MED27: variants seen among roughly 807,000 people sequenced by gnomAD.
MED27 encodes the protein mediator complex subunit 27, also known as mediator of RNA polymerase II transcription subunit 27.
A neutral mutation model predicts 38.2 loss-of-function variants in MED27; 30 were observed. The ratio of observed to expected loss-of-function variants is 0.79; its 90% confidence interval spans 0.59 to 1.07. MED27 has a LOEUF of 1.07. MED27 is among the 50% of genes least tolerant of loss of function. The pLI is 0.00. For missense variants in MED27, 289 were observed against 397.5 expected (o/e 0.73, Z 2.32); for synonymous variants, 122 against 153.5 (o/e 0.79, Z 1.52).
At chr9:132,079,530 C>T (rs1834127141) in intron 1 of MED27, 112 bp downstream of exon 1, 1 of 962,364 alleles carries the variant, frequency 1.0e-6, no homozygotes, top group Non-Finnish European at 1.6e-6. Context: ...AGAGAAAGAA[C>T]AGGGATCAAG....
At chr9:131,973,189 T>G (rs1401394087) in intron 3 of MED27, among the ~76,000 whole-genome samples, 1 of 152,242 alleles carries the variant, frequency 6.6e-6, no homozygotes, top group Non-Finnish European at 1.5e-5. Flanking sequence ...CTTGCTTTAA[T>G]AGTTCCCTGT....
chr9:131,967,385 A>C (rs1405360518), intron 3 of MED27, among the ~76,000 whole-genome samples: 1 of 152,254 alleles, frequency 6.6e-6, no homozygotes, highest in Non-Finnish European at 1.5e-5. Context: ...TTTTAAAATT[A>C]AACTGAAGTA....
chr9:131,869,406 A>AG, intron 6 of MED27: 1 of 955,244 alleles, frequency 1.0e-6, no homozygotes, highest in Non-Finnish European at 1.2e-6. Flanking sequence ...AAAAAAAAAA[A>AG]ATCTGCTATT....
intron 4 of MED27, among the ~76,000 whole-genome samples, chr9:131,924,730 A>C (rs1032047837): frequency 6.6e-6 from 1 of 152,162 alleles, no homozygotes; most frequent in Non-Finnish European, 1.5e-5. Flanking sequence ...GTTTTAGGGT[A>C]TGTTTTAATG....
intron 6 of MED27, among the ~76,000 whole-genome samples, chr9:131,882,641 C>T (rs1254448143): frequency 6.6e-6 from 1 of 152,194 alleles, no homozygotes; most frequent in African/African-American, 2.4e-5. Context: ...GGCCTAGAGG[C>T]ACCTCCCTGA....
intron 1 of MED27, among the ~76,000 whole-genome samples, chr9:132,078,034 T>C (rs1834092098): frequency 6.6e-6 from 1 of 152,202 alleles, no homozygotes; most frequent in Non-Finnish European, 1.5e-5. Context: ...TAGGGATAGA[T>C]TTGTACATGA....
At chr9:132,056,085 T>C (rs1369704356) in intron 2 of MED27, among the ~76,000 whole-genome samples, 1 of 152,196 alleles carries the variant, frequency 6.6e-6, no homozygotes, top group Non-Finnish European at 1.5e-5. Context: ...ACACCTAAAA[T>C]TGCAATTTTA....
chr9:131,981,764 C>A (rs191032155), intron 3 of MED27, among the ~76,000 whole-genome samples: 1 of 152,200 alleles, frequency 6.6e-6, no homozygotes, highest in Non-Finnish European at 1.5e-5. Flanking sequence ...AGCCAGCAAG[C>A]GGAGCTCAGG....
chr9:131,943,483 G>C (rs1056696682), intron 3 of MED27, among the ~76,000 whole-genome samples: 1 of 152,130 alleles, frequency 6.6e-6, no homozygotes, highest in South Asian at 2.1e-4. Context: ...GCAGTGCGGC[G>C]CCCCACTTTG....
chr9:132,038,339 C>T (rs1180250563), intron 2 of MED27, among the ~76,000 whole-genome samples: 2 of 151,482 alleles, frequency 1.3e-5, no homozygotes, highest in East Asian at 3.9e-4. Context: ...CTACAGGCGC[C>T]CGCCACTACG....
chr9:132,039,483 T>C (rs1156492132), intron 2 of MED27, among the ~76,000 whole-genome samples: 1 of 152,182 alleles, frequency 6.6e-6, no homozygotes, highest in Non-Finnish European at 1.5e-5. Context: ...TGCCGGCCAT[T>C]GTCATTATGA....
At chr9:131,947,670 C>T (rs1342279112) in intron 3 of MED27, among the ~76,000 whole-genome samples, 2 of 151,878 alleles carry the variant, frequency 1.3e-5, no homozygotes, top group Non-Finnish European at 2.9e-5. Context: ...GACTGACCCC[C>T]TCCTCAAAAG....
chr9:132,070,715 C>T (rs1005848546), intron 2 of MED27, among the ~76,000 whole-genome samples: 3 of 151,446 alleles, frequency 2.0e-5, no homozygotes, highest in Non-Finnish European at 4.4e-5. Flanking sequence ...ATATGCCCTT[C>T]TCACCTCCTC....
chr9:132,018,640 C>T (rs1442982312), intron 2 of MED27, among the ~76,000 whole-genome samples: 1 of 152,228 alleles, frequency 6.6e-6, no homozygotes, highest in Non-Finnish European at 1.5e-5. Flanking sequence ...AGGCCTAGTA[C>T]TTAAAAGCTG....
chr9:131,889,047 T>C lies in MED27; in HGVS notation c.681+4838A>G, dbSNP rs1263633880. 6.6e-6 allele frequency among the ~76,000 whole-genome samples: 1 copy of C among 152,244 alleles called. No individual in the cohort carries two copies. The highest frequency in any genetic ancestry group is 1.5e-5 in the Non-Finnish European group (1 of 68,038). ...CAAGAGGCCATTTTTCTGAAGGTCATCTGAACAATTTCAAAGGCTATAACA... is the reference window on the plus strand; with the variant it reads ...CAAGAGGCCATTTTTCTGAAGGTCACCTGAACAATTTCAAAGGCTATAACA... On this transcript the variant is annotated intron_variant, in intron 5 of 7. Coordinates refer to ENST00000292035, the MANE Select transcript of MED27 (RefSeq NM_004269.4). The surrounding 1 kb of genome is among the most constrained non-coding windows in gnomAD (Gnocchi z 4.2).
At chr9:131,871,820 G>A (rs776539988) in intron 6 of MED27, among the ~76,000 whole-genome samples, 32 of 152,166 alleles carry the variant, frequency 2.1e-4, no homozygotes, top group Non-Finnish European at 2.9e-4. Flanking sequence ...CTGGGGTTAT[G>A]GGCCAACCTT....
At chr9:132,045,218 C>T (rs1057241744) in intron 2 of MED27, among the ~76,000 whole-genome samples, 1 of 152,132 alleles carries the variant, frequency 6.6e-6, no homozygotes, top group Non-Finnish European at 1.5e-5. Context: ...AAGATAGATA[C>T]TCAAGATTGT....
chr9:132,034,873 G>A (rs755846734), intron 2 of MED27, among the ~76,000 whole-genome samples: 8 of 152,182 alleles, frequency 5.3e-5, no homozygotes, highest in Non-Finnish European at 8.8e-5. Context: ...CATTTGTGCT[G>A]AGACTTCAAC....
chr9:131,991,022 G>A (rs1036622437), intron 3 of MED27, among the ~76,000 whole-genome samples: 1 of 152,204 alleles, frequency 6.6e-6, no homozygotes, highest in Admixed American at 6.5e-5. Flanking sequence ...GCTAAAGAGT[G>A]GAGCATAGCA....
Sources: gnomAD v4.1 joint callset for allele counts (sites outside exome capture counted in the v4.1 genomes callset) on GRCh38, gnomAD v4.1.1 for gene constraint, Gnocchi (gnomAD v3.1) non-coding constraint, MANE v1.5 for transcripts, NCBI Gene and HGNC (gene_info 2026-07-23, HGNC 2026-07-21) for gene names.